ITGA11: variants seen among roughly 807,000 people sequenced by gnomAD.
ITGA11 encodes the protein integrin alpha-11.
ITGA11 carries 97 observed loss-of-function variants against 141.9 expected under a neutral mutation model. That is an observed-to-expected ratio of 0.68 (90% CI 0.58 to 0.81). The LOEUF is 0.81. Among genes scored for constraint, ITGA11 ranks in the 30% least tolerant of loss-of-function variants. ITGA11 has a pLI of 0.00. For synonymous variants in ITGA11, 658 were observed against 624.6 expected, an observed-to-expected ratio of 1.05 and a Z score of -0.80; for missense variants, 1,387 against 1,559.2, an observed-to-expected ratio of 0.89 and a Z score of 1.86.
rs367596802 is a variant in ITGA11, at chr15:68,305,939, C to G, written c.3381+1409G>C. Among the ~76,000 whole-genome samples, 48 of 151,820 alleles carry G rather than the reference C, an allele frequency of 3.2e-4. No homozygotes were observed. The East Asian group carries it at 7.2e-3, about 23-fold the overall frequency. ...CGGTGGCTCATGCCTGTAATCCCAG[C>G]ACTTTGGGAAGCCGAGGCGGGCAGA... On this transcript the variant is annotated intron_variant, in intron 28 of 29. Transcript: ENST00000315757. The surrounding 1 kb of genome is among the most constrained non-coding windows in gnomAD (Gnocchi z 4.6).
chr15:68,354,087 G>A (rs1266343453), intron 7 of ITGA11, among the ~76,000 whole-genome samples: 3 of 151,914 alleles, frequency 2.0e-5, no homozygotes, highest in Non-Finnish European at 2.9e-5. Flanking sequence ...TGCTGATTCT[G>A]TACCTGCCCT....
chr15:68,371,083 C>A (rs758720271), intron 2 of ITGA11, among the ~76,000 whole-genome samples: 1 of 152,190 alleles, frequency 6.6e-6, no homozygotes, highest in South Asian at 2.1e-4. Context: ...TTATTAAGCC[C>A]GCCTATTTTT....
intron 1 of ITGA11, among the ~76,000 whole-genome samples, chr15:68,412,649 G>T (rs1896800728): frequency 6.7e-6 from 1 of 150,152 alleles, no homozygotes; most frequent in Admixed American, 6.7e-5. Flanking sequence ...TATGTTATTA[G>T]GGAGGGGGAA....
chr15:68,420,620 A>G (rs1046563958), intron 1 of ITGA11, among the ~76,000 whole-genome samples: 1 of 149,712 alleles, frequency 6.7e-6, no homozygotes. Context: ...CTTATCTAAA[A>G]GGAGTGATTG....
chr15:68,369,688 C>T (rs981241870), intron 2 of ITGA11, among the ~76,000 whole-genome samples: 3 of 152,218 alleles, frequency 2.0e-5, no homozygotes, highest in Non-Finnish European at 4.4e-5. Context: ...GTTTCTGGAG[C>T]CACAGAGTCT....
intron 10 of ITGA11, among the ~76,000 whole-genome samples, chr15:68,343,907 C>T (rs12050550): frequency 0.43 from 64,686 of 151,968 alleles, 14,152 homozygotes; most frequent in Middle Eastern, 0.61. Context: ...AGCCCCTCTG[C>T]CTTTCTGTGG....
Position 68,321,161 on chromosome 15 carries a change from GTTTCTT to G in ITGA11, c.2408+251_2408+256del, listed in dbSNP as rs1047481442. 5.0e-4 allele frequency among the ~76,000 whole-genome samples: 25 copies of G among 49,882 alleles called. No individual in the cohort carries two copies. Among genetic ancestry groups the G allele is most frequent in the African/African-American group, 8.7e-4 (17 of 19,576 alleles). The allele number at this position is 49,882 out of a possible 152,430, so 32.7% of individuals were successfully genotyped here. ...TTGTAATGTGGGCTCCGAAGAAAGG[GTTTCTT>G]TTTTTTTTTTTTTTTAACAAAATTT... On this transcript the variant is annotated intron_variant, in intron 19 of 29. Coordinates refer to ENST00000315757, the MANE Select transcript of ITGA11 (RefSeq NM_001004439.2). The surrounding 1 kb of genome is among the most constrained non-coding windows in gnomAD (Gnocchi z 4.9).
chr15:68,406,473 C>T (rs1896653791), intron 1 of ITGA11, among the ~76,000 whole-genome samples: 1 of 152,138 alleles, frequency 6.6e-6, no homozygotes, highest in Admixed American at 6.5e-5. Context: ...CTTCCCATAC[C>T]TGCAAGGCTC....
Position 68,304,768 on chromosome 15 carries a change from C to T in ITGA11, c.3382-883G>A, listed in dbSNP as rs575671983. 1.3e-5 allele frequency among the ~76,000 whole-genome samples: 2 copies of T among 152,320 alleles called. No individual in the cohort carries two copies. Among genetic ancestry groups the T allele is most frequent in the South Asian group, 2.1e-4 (1 of 4,828 alleles). Reference sequence around the variant, plus strand: ...AGCAAATGGCAGCACTATCCCTCCGCGCTGCTCAGGCCAGAAGCCATGTAT... The same window carrying T: ...AGCAAATGGCAGCACTATCCCTCCGTGCTGCTCAGGCCAGAAGCCATGTAT... On this transcript the variant is annotated intron_variant, in intron 28 of 29. Coordinates refer to ENST00000315757, the MANE Select transcript of ITGA11 (RefSeq NM_001004439.2). This position sits in a 1 kb window ranked among gnomAD's most constrained non-coding sequence, Gnocchi z 6.1.
chr15:68,375,055 C>G (rs556552587), intron 2 of ITGA11, among the ~76,000 whole-genome samples: 1 of 152,208 alleles, frequency 6.6e-6, no homozygotes, highest in East Asian at 1.9e-4. Flanking sequence ...CTCTTTTTTT[C>G]ATTGTGAAGA....
intron 1 of ITGA11, among the ~76,000 whole-genome samples, chr15:68,429,473 G>A (rs1897220501): frequency 6.6e-6 from 1 of 151,928 alleles, no homozygotes; most frequent in Non-Finnish European, 1.5e-5. Context: ...TTTTTTTTTA[G>A]GCTTTCCTGT....
At chr15:68,387,142 G>A (rs1346109113) in intron 2 of ITGA11, among the ~76,000 whole-genome samples, 1 of 152,034 alleles carries the variant, frequency 6.6e-6, no homozygotes, top group Non-Finnish European at 1.5e-5. Flanking sequence ...AGAAGGTAGG[G>A]GAAAGGATAA....
At position 68,335,578 on chromosome 15, in the gene ITGA11, GA is replaced by G; in HGVS notation, c.1425+118del. The G allele has an allele frequency of 8.6e-7, 1 of 1,165,990 alleles. No homozygotes were observed. The allele number at this position is 1,165,990 out of a possible 1,614,324, so 72.2% of individuals were successfully genotyped here. A position where few individuals can be genotyped will look rare whatever the true frequency, so the allele number is the denominator to read the frequency against. On this transcript the variant is annotated intron_variant, in intron 12 of 29. Coordinates refer to ENST00000315757, the MANE Select transcript of ITGA11 (RefSeq NM_001004439.2). This position sits in a 1 kb window ranked among gnomAD's most constrained non-coding sequence, Gnocchi z 4.9. ...CCTGGCAGCATGAAGGTGGCTGGAG[GA>G]ACATGACTGCCCTTTGGGGCACCCA...
chr15:68,324,036 CGA>C lies in ITGA11; in HGVS notation c.2322+1093_2322+1094del, dbSNP rs1893891133. 6.6e-6 allele frequency among the ~76,000 whole-genome samples: 1 copy of C among 152,084 alleles called. No homozygotes were observed. The highest frequency in any genetic ancestry group is 2.1e-4 in the South Asian group (1 of 4,824). The stretch of plus-strand genomic sequence containing the variant: ...TGCCATAGTGACTTTGTAATTACTG[CGA>C]GAGGACAAAAATGACTTAGTGCGCC... On this transcript the variant is annotated intron_variant, in intron 18 of 29. Transcript: ENST00000315757. The surrounding 1 kb of genome is among the most constrained non-coding windows in gnomAD (Gnocchi z 6.3).
intron 1 of ITGA11, among the ~76,000 whole-genome samples, chr15:68,429,274 A>G (rs958680697): frequency 4.6e-5 from 7 of 152,226 alleles, no homozygotes; most frequent in Non-Finnish European, 1.0e-4. Context: ...GGCTAGGCCA[A>G]TCCCAGGCAG....
Position 68,311,377 on chromosome 15 carries a change from G to A in ITGA11, c.3000C>T (p.Ile1000=). ...TGGTGATCTTCATCATCATCCCGTG[G>A]ATGGGGAACAAGCCCAAGTTCTGGA... is the stretch of plus-strand genomic sequence containing the variant. ...FRIQNLGLFP[I]HGMMMKITIP... is the part of the protein sequence containing the mutation. Residue 1000 remains isoleucine, a synonymous_variant, in exon 25 of 30, where the codon ATC becomes ATT. Coordinates refer to ENST00000315757, the MANE Select transcript of ITGA11 (RefSeq NM_001004439.2). 1 of 1,568,716 alleles carries A rather than the reference G, an allele frequency of 6.4e-7. No individual in the cohort carries two copies. The highest frequency in any genetic ancestry group is 1.2e-5 in the South Asian group (1 of 85,300).
intron 14 of ITGA11, among the ~76,000 whole-genome samples, chr15:68,331,616 G>A (rs189587555): frequency 8.5e-5 from 13 of 152,058 alleles, no homozygotes; most frequent in African/African-American, 2.9e-4. Context: ...GTTGTTTGTT[G>A]TTGGGGGAGG....
At chr15:68,407,459 G>A (rs1035720074) in intron 1 of ITGA11, among the ~76,000 whole-genome samples, 8 of 152,150 alleles carry the variant, frequency 5.3e-5, no homozygotes, top group East Asian at 1.9e-4. Flanking sequence ...ATCTCTGGCC[G>A]CCTCCTTTTA....
intron 5 of ITGA11, among the ~76,000 whole-genome samples, chr15:68,360,019 G>A (rs891640470): frequency 1.3e-5 from 2 of 152,090 alleles, no homozygotes; most frequent in African/African-American, 4.8e-5. Flanking sequence ...GAGTTGGGAC[G>A]CCTGTTGCAG....
Sources: allele counts gnomAD v4.1 joint callset (sites outside exome capture counted in the v4.1 genomes callset), GRCh38; gene constraint gnomAD v4.1.1; non-coding constraint Gnocchi (gnomAD v3.1); transcripts MANE v1.5; gene names NCBI Gene and HGNC (gene_info 2026-07-23, HGNC 2026-07-21).